Variants in CELF1 observed in about 807,000 individuals in gnomAD.
CELF1 encodes 50 kDa nuclear polyadenylated RNA-binding protein.
A neutral mutation model predicts 61.8 loss-of-function variants in CELF1; 10 were observed. That is an observed-to-expected ratio of 0.16 (90% CI 0.10 to 0.27). CELF1 has a LOEUF of 0.27. CELF1 is among the 10% of genes least tolerant of loss of function. The pLI is 1.00. For synonymous variants in CELF1, 236 were observed against 225.1 expected, an observed-to-expected ratio of 1.05 and a Z score of -0.43; for missense variants, 380 against 639.1, an observed-to-expected ratio of 0.59 and a Z score of 4.37.
intron 1 of CELF1, chr11:47,524,008 CAAGGCCTCTGT>C (rs751615325): frequency 3.3e-5 from 5 of 152,220 alleles, no homozygotes; most frequent in Non-Finnish European, 7.3e-5. Context: ...AAAGGCATTA[CAAGGCCTCTGT>C]AAGGCCAAAC....
chr11:47,543,375 G>C (rs2096858123), intron 1 of CELF1, among the ~76,000 whole-genome samples: 1 of 152,164 alleles, frequency 6.6e-6, no homozygotes, highest in South Asian at 2.1e-4. Context: ...CTGCACTCCA[G>C]CCTGAGTGAC....
intron 1 of CELF1, chr11:47,513,757 CCT>C (rs1477562034): frequency 2.6e-5 from 4 of 151,350 alleles, no homozygotes; most frequent in African/African-American, 4.9e-5. Flanking sequence ...GCCCGGCCAC[CCT>C]CTTTTTTTTT....
At chr11:47,489,659 T>C (rs955129485) in intron 3 of CELF1, among the ~76,000 whole-genome samples, 6 of 152,194 alleles carry the variant, frequency 3.9e-5, no homozygotes, top group Admixed American at 3.9e-4. Context: ...TAAACAATGT[T>C]ACCATCATTT....
intron 2 of CELF1, among the ~76,000 whole-genome samples, chr11:47,562,073 A>G (rs929021431): frequency 2.0e-5 from 3 of 151,952 alleles, no homozygotes; most frequent in Admixed American, 6.6e-5. Flanking sequence ...CTAAAAATAC[A>G]AAATTAGCCA....
At position 47,499,853 on chromosome 11, in the gene CELF1, T is replaced by C. The variant is rs967817655; in HGVS notation, c.-81-249A>G. The C allele has an allele frequency of 2.1e-5, 5 of 234,622 alleles. No individual in the cohort carries two copies. In the South Asian group the frequency reaches 3.9e-4, roughly 18 times the overall value. The allele number at this position is 234,622 out of a possible 1,614,324, so 14.5% of individuals were successfully genotyped here. A position where few individuals can be genotyped will look rare whatever the true frequency, so the allele number is the denominator to read the frequency against. On this transcript the variant is annotated intron_variant, in intron 2 of 14. Coordinates refer to ENST00000687097, the MANE Select transcript of CELF1 (RefSeq NM_001376376.1). ...TGTCAGATAAATAGTGTCAGATCCATGAAGATAGCAGTGGCTAACAGAGCA... is the reference window on the plus strand; with the variant it reads ...TGTCAGATAAATAGTGTCAGATCCACGAAGATAGCAGTGGCTAACAGAGCA...
chr11:47,484,605 G>A, intron 6 of CELF1, 82 bp from the exon 7 acceptor site: 5 of 1,215,238 alleles, frequency 4.1e-6, no homozygotes, highest in Admixed American at 2.2e-5. Flanking sequence ...AGACCGCCTG[G>A]GTTTGAATCC....
chr11:47,541,073 G>A (rs1565903463), intron 1 of CELF1, among the ~76,000 whole-genome samples: 1 of 152,146 alleles, frequency 6.6e-6, no homozygotes, highest in Non-Finnish European at 1.5e-5. Flanking sequence ...GAAAGCGGCT[G>A]GAGCTGAAAA....
At chr11:47,493,457 G>A (rs779852548) in intron 3 of CELF1, among the ~76,000 whole-genome samples, 4 of 146,402 alleles carry the variant, frequency 2.7e-5, no homozygotes, top group African/African-American at 7.6e-5. Context: ...ACAGTGAGCC[G>A]AGATCGTGCC....
At chr11:47,491,971 A>G (rs890630463) in intron 3 of CELF1, among the ~76,000 whole-genome samples, 1 of 152,182 alleles carries the variant, frequency 6.6e-6, no homozygotes, top group Non-Finnish European at 1.5e-5. Flanking sequence ...TAATTGCCAC[A>G]GGATTAATAC....
At chr11:47,474,204 T>A (rs1251759312) in intron 13 of CELF1, among the ~76,000 whole-genome samples, 1 of 152,216 alleles carries the variant, frequency 6.6e-6, no homozygotes, top group Admixed American at 6.5e-5. Flanking sequence ...GCCTACTCAA[T>A]GATTTTCTAA....
At chr11:47,534,985 GAAA>G (rs201435556) in intron 1 of CELF1, among the ~76,000 whole-genome samples, 1 of 148,068 alleles carries the variant, frequency 6.8e-6, no homozygotes, top group African/African-American at 2.5e-5. Flanking sequence ...GTCAGAATTA[GAAA>G]AAAAAAAATT....
In CELF1 at chr11:47,533,108, G is replaced by C. The variant is rs186921429; in HGVS notation, c.-154+19884C>G. 2.0e-4 allele frequency among the ~76,000 whole-genome samples: 29 copies of C among 147,480 alleles called. No homozygotes were observed. The East Asian group carries it at 5.3e-3, about 27-fold the overall frequency. On this transcript the variant is annotated intron_variant, in intron 1 of 14. Coordinates refer to ENST00000687097, the MANE Select transcript of CELF1 (RefSeq NM_001376376.1). ...TATCACAGTATTTTTTTTTTTTGAT[G>C]TTCTGGATCTGGCAATTCAGAAAGC...
rs1175608872 is a variant in CELF1, at chr11:47,469,858, A to C, written c.*2372T>G. 6.6e-6 allele frequency: 1 copy of C among 152,326 alleles called. No individual in the cohort carries two copies. The highest frequency in any genetic ancestry group is 1.5e-5 in the Non-Finnish European group (1 of 68,102). The allele number at this position is 152,326 out of a possible 1,614,324, so 9.4% of individuals were successfully genotyped here. A position where few individuals can be genotyped will look rare whatever the true frequency, so the allele number is the denominator to read the frequency against. Reference sequence around the variant, plus strand: ...TTCATAAGGTCCCAGAGCCCAGGACAAATCCATGGACAAATAATGGTGAGA... The same window carrying C: ...TTCATAAGGTCCCAGAGCCCAGGACCAATCCATGGACAAATAATGGTGAGA... On this transcript the variant is annotated 3_prime_UTR_variant, in exon 15 of 15. Transcript: ENST00000687097.
rs368651672 is a variant in CELF1 at position 47,551,988 on chromosome 11, A to G, written c.-154+1004T>C. Among the ~76,000 whole-genome samples the G allele has an allele frequency of 2.6e-5, 4 of 151,610 alleles. No homozygotes were observed. In the South Asian group the frequency reaches 6.3e-4, roughly 24 times the overall value. On this transcript the variant is annotated intron_variant, in intron 1 of 14. Coordinates refer to ENST00000687097, the MANE Select transcript of CELF1 (RefSeq NM_001376376.1). ...AGATAGCGCCACTGCACTCCAGCCT[A>G]AGCAACAAGAGCGAAACTCCGTCTT... is the stretch of plus-strand genomic sequence containing the variant.
rs1366332485 is a variant in CELF1, at chr11:47,471,636, AT to A, written c.*593del. ...ATCTGAAAAATAGGTGTCAAAAACT[AT>A]TTCCCAGAAGGTAGCTGTACAGGAG... On this transcript the variant is annotated 3_prime_UTR_variant, in exon 15 of 15. Transcript: ENST00000687097. The A allele has an allele frequency of 6.6e-6, 1 of 152,154 alleles. No homozygotes were observed. The highest frequency in any genetic ancestry group is 1.9e-4 in the East Asian group (1 of 5,202). 9.4% of individuals were successfully genotyped at this position (152,154 alleles called of 1,614,324 possible).
At chr11:47,544,351 G>A (rs1165410779) in intron 1 of CELF1, among the ~76,000 whole-genome samples, 2 of 152,184 alleles carry the variant, frequency 1.3e-5, no homozygotes, top group Admixed American at 1.3e-4. Flanking sequence ...GCACTGTTCA[G>A]TGCCTAGCAT....
intron 9 of CELF1, among the ~76,000 whole-genome samples, chr11:47,479,429 A>G (rs965920999): frequency 2.6e-5 from 4 of 152,192 alleles, no homozygotes; most frequent in African/African-American, 4.8e-5. Context: ...ATCAAATCTA[A>G]ACATTTCATA....
At position 47,515,638 on chromosome 11, in the gene CELF1, T is replaced by C. The variant is rs955320105; in HGVS notation, c.-153-14706A>G. ...AGCGACTTTTAAAATCACCTTATAA[T>C]CTTGATGTCTCTTGCGGAGTCATTA... On this transcript the variant is annotated intron_variant, in intron 1 of 14. Coordinates refer to ENST00000687097, the MANE Select transcript of CELF1 (RefSeq NM_001376376.1). Among the ~76,000 whole-genome samples the C allele has an allele frequency of 2.6e-5, 4 of 152,206 alleles. 1 individual carries two copies. The East Asian group carries it at 7.7e-4, about 29-fold the overall frequency.
intron 7 of CELF1, among the ~76,000 whole-genome samples, chr11:47,484,170 A>G (rs1233572190): frequency 1.3e-5 from 2 of 152,202 alleles, no homozygotes; most frequent in East Asian, 1.9e-4. Flanking sequence ...TTTTCTCTAT[A>G]AAAAATTTAA....
Sources: gnomAD v4.1 joint callset for allele counts (sites outside exome capture counted in the v4.1 genomes callset) on GRCh38, gnomAD v4.1.1 for gene constraint, MANE v1.5 for transcripts, NCBI Gene and HGNC (gene_info 2026-07-23, HGNC 2026-07-21) for gene names.